The following TRAF3IP2 variants were observed in gnomAD, a reference collection of about 807,000 sequenced individuals.
TRAF3IP2 encodes the protein E3 ubiquitin ligase TRAF3IP2.
A neutral mutation model predicts 57.9 loss-of-function variants in TRAF3IP2; 35 were observed. That is an observed-to-expected ratio of 0.60 (90% confidence interval 0.46 to 0.80). TRAF3IP2 has a LOEUF of 0.80. Among genes scored for constraint, TRAF3IP2 ranks in the 30% least tolerant of loss-of-function variants. TRAF3IP2 has a pLI of 0.00. For missense variants in TRAF3IP2, 556 were observed against 706.4 expected, an observed-to-expected ratio of 0.79 and a Z score of 2.41; for synonymous variants, 251 against 268.9, an observed-to-expected ratio of 0.93 and a Z score of 0.65.
rs533450897 is a variant in TRAF3IP2, at chr6:111,591,788, G to C, written c.299C>G (p.Pro100Arg). ...DSEDSFCRRH[P>R]GLGKAFPSGC... ...AGAAGGGAAAGCTTTGCCCAGGCCT[G>C]GGTGTCTCCTGCAGAAACTGTCTTC... The change falls in exon 2 of 9, where the codon CCA becomes CGA. Residue 100 changes from proline (P) to arginine (R), a missense_variant. Around this residue, in one of 2 missense-constraint regions of TRAF3IP2, gnomAD observed 428 missense variants for 498.7 expected, o/e 0.86. Coordinates refer to ENST00000368761, the MANE Select transcript of TRAF3IP2 (RefSeq NM_147686.4). This position sits in a 1 kb window ranked among gnomAD's most constrained non-coding sequence, Gnocchi z 4.9. The C allele has an allele frequency of 6.5e-5, 105 of 1,614,242 alleles. No individual in the cohort carries two copies. The East Asian group carries it at 7.4e-4, about 11-fold the overall frequency.
chr6:111,580,075 T>C, intron 3 of TRAF3IP2, 122 bp downstream of exon 3: 1 of 1,144,672 alleles, frequency 8.7e-7, no homozygotes, highest in Middle Eastern at 2.5e-4. Flanking sequence ...GGCATTCCAC[T>C]ATGTGACTTG....
Position 111,605,836 on chromosome 6 carries a change from T to C in TRAF3IP2, c.-69A>G, listed in dbSNP as rs1797005631. ...AGGGTAGTCGGCTCTCGGCGGCTTC[T>C]CGTCTCCCTCCACCTTCTCCGGGCC... On this transcript the variant is annotated 5_prime_UTR_variant, in exon 1 of 9. Transcript: ENST00000368761. 1 of 152,088 alleles carries C rather than the reference T, an allele frequency of 6.6e-6. No homozygotes were observed. Among genetic ancestry groups the C allele is most frequent in the South Asian group, 2.1e-4 (1 of 4,810 alleles). The allele number at this position is 152,088 out of a possible 1,614,324, so 9.4% of individuals were successfully genotyped here. A position where few individuals can be genotyped will look rare whatever the true frequency, so the allele number is the denominator to read the frequency against.
At chr6:111,575,587 CAAAAAAAAA>C (rs60481646) in intron 4 of TRAF3IP2, 47 bp downstream of exon 4, 44 of 1,369,374 alleles carry the variant, frequency 3.2e-5, no homozygotes, top group Middle Eastern at 2.8e-4. Flanking sequence ...GACTCCGTCT[CAAAAAAAAA>C]AAAAAAAAAA....
chr6:111,605,291 T>C (rs1796985286), intron 1 of TRAF3IP2, among the ~76,000 whole-genome samples: 1 of 152,214 alleles, frequency 6.6e-6, no homozygotes, highest in African/African-American at 2.4e-5. Flanking sequence ...TCAGCAGAAC[T>C]TCCTGGCCCA....
Position 111,591,816 on chromosome 6 carries a change from T to C in TRAF3IP2, c.271A>G (p.Ser91Gly), listed in dbSNP as rs372576606. 26 of 1,614,250 alleles carry C rather than the reference T, an allele frequency of 1.6e-5. No individual in the cohort carries two copies. In the Middle Eastern group the frequency reaches 1.2e-3, roughly 72 times the overall value. The part of the protein sequence containing the change: ...TCLRTQVLED[S>G]EDSFCRRHPG... ...TGTCTCCTGCAGAAACTGTCTTCACTGTCCTCCAGAACTTGAGTGCGCAGG... is the reference window on the plus strand; with the variant it reads ...TGTCTCCTGCAGAAACTGTCTTCACCGTCCTCCAGAACTTGAGTGCGCAGG... Residue 91 changes from serine (S) to glycine (G), a missense_variant, in exon 2 of 9, where the codon AGT becomes GGT. Physicochemically the swap from Ser to Gly is moderately conservative, Grantham distance 56. Around this residue, in one of 2 missense-constraint regions of TRAF3IP2, gnomAD observed 428 missense variants for 498.7 expected, o/e 0.86. Coordinates refer to ENST00000368761, the MANE Select transcript of TRAF3IP2 (RefSeq NM_147686.4). The surrounding 1 kb of genome is among the most constrained non-coding windows in gnomAD (Gnocchi z 4.9).
chr6:111,582,548 C>G (rs1796199342), intron 2 of TRAF3IP2, among the ~76,000 whole-genome samples: 1 of 152,176 alleles, frequency 6.6e-6, no homozygotes, highest in Non-Finnish European at 1.5e-5. Flanking sequence ...TGGCAGCCTT[C>G]TCAGGGCAGG....
In TRAF3IP2 at chr6:111,559,419, CCTGAA is replaced by C; in HGVS notation, c.1679_1683del (p.Leu560ArgfsTer73). 6.2e-7 allele frequency: 1 copy of C among 1,613,770 alleles called. No homozygotes were observed. The highest frequency in any genetic ancestry group is 8.5e-7 in the Non-Finnish European group (1 of 1,179,968). ...GATGAACGGTGTCACAAGGGAACCA[CCTGAA>C]GGGTGGGCAGAGGCCCCCGTGGAGG... On this transcript the variant is annotated frameshift_variant, in exon 9 of 9. Transcript: ENST00000368761. LOFTEE classifies it high-confidence loss of function.
At chr6:111,563,392 TA>T (rs200429397) in intron 7 of TRAF3IP2, among the ~76,000 whole-genome samples, 1,689 of 152,244 alleles carry the variant, frequency 0.011, 35 homozygotes, top group African/African-American at 0.038. Context: ...TTGGCGATGG[TA>T]TTGGAGAGTA....
intron 1 of TRAF3IP2, among the ~76,000 whole-genome samples, chr6:111,602,570 T>C (rs1796908351): frequency 6.6e-6 from 1 of 152,112 alleles, no homozygotes; most frequent in Admixed American, 6.5e-5. Flanking sequence ...GAGAGACACT[T>C]ATTTACTTGT....
intron 1 of TRAF3IP2, among the ~76,000 whole-genome samples, chr6:111,595,576 T>C (rs559643799): frequency 6.6e-6 from 1 of 152,230 alleles, no homozygotes; most frequent in Middle Eastern, 3.4e-3. Flanking sequence ...ACGCCTGTAA[T>C]CCCAGCACTT....
intron 4 of TRAF3IP2, chr6:111,574,833 T>A (rs552524998): frequency 6.6e-6 from 1 of 152,350 alleles, no homozygotes; most frequent in South Asian, 2.1e-4. Context: ...ACTAGTGGTG[T>A]CAGAATCACT....
chr6:111,566,242 C>A (rs907179446), intron 7 of TRAF3IP2, among the ~76,000 whole-genome samples: 3 of 152,144 alleles, frequency 2.0e-5, no homozygotes, highest in African/African-American at 7.2e-5. Context: ...ACAACTGAGT[C>A]CCAGAGGTGC....
In TRAF3IP2 at chr6:111,575,519, C is replaced by T. The variant is rs1377953631; in HGVS notation, c.1201+124G>A. ...AGGAGAATGGGGTGAACCTGGGAGG[C>T]GGAGCTTGCAGTGAGCTGAGATCGC... On this transcript the variant is annotated intron_variant, in intron 4 of 8. Coordinates refer to ENST00000368761, the MANE Select transcript of TRAF3IP2 (RefSeq NM_147686.4). 25 of 1,090,090 alleles carry T rather than the reference C, an allele frequency of 2.3e-5. 1 individual carries two copies. The South Asian group carries it at 3.1e-4, about 14-fold the overall frequency. The allele number at this position is 1,090,090 out of a possible 1,614,324, so 67.5% of individuals were successfully genotyped here. A position where few individuals can be genotyped will look rare whatever the true frequency, so the allele number is the denominator to read the frequency against.
chr6:111,569,037 T>G (rs1795744404), intron 5 of TRAF3IP2, among the ~76,000 whole-genome samples: 1 of 152,238 alleles, frequency 6.6e-6, no homozygotes, highest in South Asian at 2.1e-4. Context: ...CCATGCCCTG[T>G]GTATACCGAA....
At chr6:111,598,885 C>G (rs749740316) in intron 1 of TRAF3IP2, among the ~76,000 whole-genome samples, 10 of 151,928 alleles carry the variant, frequency 6.6e-5, no homozygotes, top group Admixed American at 2.0e-4. Flanking sequence ...CTTCAAATAT[C>G]AAAAACCTTT....
At chr6:111,581,416 G>A (rs1338886684) in intron 2 of TRAF3IP2, among the ~76,000 whole-genome samples, 1 of 152,182 alleles carries the variant, frequency 6.6e-6, no homozygotes, top group Non-Finnish European at 1.5e-5. Flanking sequence ...GACGATCCAG[G>A]AGGAGGCGTA....
intron 2 of TRAF3IP2, among the ~76,000 whole-genome samples, chr6:111,590,164 ATAT>A (rs1301665126): frequency 6.6e-6 from 1 of 152,326 alleles, no homozygotes; most frequent in East Asian, 1.9e-4. Context: ...GCACTGATAC[ATAT>A]TATTATTTCG....
chr6:111,556,044 A>G lies in TRAF3IP2; in HGVS notation c.*3361T>C, dbSNP rs1445804948. On this transcript the variant is annotated 3_prime_UTR_variant, in exon 9 of 9. Transcript: ENST00000368761. Reference sequence around the variant, plus strand: ...CTTGAACCCGGGAGGTGGAGGTTGCAGTGAGCTGTGATTGCACCACTGCAC... The same window carrying G: ...CTTGAACCCGGGAGGTGGAGGTTGCGGTGAGCTGTGATTGCACCACTGCAC... Among the ~76,000 whole-genome samples the G allele has an allele frequency of 6.6e-6, 1 of 150,744 alleles. No individual in the cohort carries two copies. Among genetic ancestry groups the G allele is most frequent in the African/African-American group, 2.4e-5 (1 of 40,908 alleles).
intron 4 of TRAF3IP2, chr6:111,573,669 A>G (rs1165957353): frequency 1.6e-5 from 1 of 63,992 alleles, no homozygotes; most frequent in East Asian, 6.7e-4. Context: ...GTCAGCTTAG[A>G]GCAGCAGACA....
Sources: allele counts gnomAD v4.1 joint callset (sites outside exome capture counted in the v4.1 genomes callset), GRCh38; gene constraint gnomAD v4.1.1; regional missense constraint gnomAD v4.1.1; non-coding constraint Gnocchi (gnomAD v3.1); transcripts MANE v1.5; gene names NCBI Gene and HGNC (gene_info 2026-07-23, HGNC 2026-07-21).